Variants in CCDC120 observed in about 807,000 individuals in gnomAD.
The protein encoded by CCDC120 is coiled-coil domain-containing protein 120.
A neutral mutation model predicts 37.6 loss-of-function variants in CCDC120; 16 were observed. That is an observed-to-expected ratio of 0.43 (90% CI 0.29 to 0.65). CCDC120 has a LOEUF of 0.65. Ranked by LOEUF, CCDC120 falls within the 30% of genes least tolerant of loss-of-function variation. CCDC120 has a pLI of 0.18. For missense variants in CCDC120, 650 were observed against 657.4 expected (o/e 0.99, Z 0.12); for synonymous variants, 309 against 275.4 (o/e 1.12, Z -1.21).
chrX:49,060,505 G>A (rs1341030167), intron 1 of CCDC120, among the ~76,000 whole-genome samples: 1 of 107,897 alleles, frequency 9.3e-6, no homozygotes, highest in Admixed American at 1.0e-4. Flanking sequence ...GACCAATGCT[G>A]GCAAGGGGGA....
chrX:49,058,784 A>G (rs1459454977), upstream of CCDC120, among the ~76,000 whole-genome samples: 2 of 112,364 alleles, frequency 1.8e-5, no homozygotes, highest in Non-Finnish European at 3.8e-5. Context: ...CAGCCTCCCA[A>G]AGTGCTGAGA....
intron 4 of CCDC120, among the ~76,000 whole-genome samples, 195 bp from the exon 5 acceptor site, chrX:49,063,666 C>G (rs2064914591): frequency 8.9e-6 from 1 of 111,757 alleles, no homozygotes; most frequent in African/African-American, 3.3e-5. Flanking sequence ...TGCCCACCAC[C>G]CCAGGGGTTT....
At position 49,067,349 on chromosome X, in the gene CCDC120, C is replaced by T. The variant is rs911802103; in HGVS notation, c.1235C>T (p.Pro412Leu). ...DRAAGGGAGS[P>L]PAPLAPSASG... ...GCCGCTGGTGGGGGAGCTGGCTCCCCGCCTGCCCCTCTGGCTCCCTCTGCC... is the reference window on the plus strand; with the variant it reads ...GCCGCTGGTGGGGGAGCTGGCTCCCTGCCTGCCCCTCTGGCTCCCTCTGCC... The change falls in exon 10 of 11, where the codon CCG (proline) becomes CTG (leucine). Residue 412 changes from proline to leucine, a missense_variant. By Grantham distance (98) the Pro-to-Leu change is moderately conservative. Around this residue, in one of 3 missense-constraint regions of CCDC120, gnomAD observed 576 missense variants for 565.3 expected, o/e 1.02. Coordinates refer to ENST00000603986, the MANE Select transcript of CCDC120 (RefSeq NM_001163321.4). 10 of 1,202,332 alleles carry T rather than the reference C, an allele frequency of 8.3e-6. No homozygotes were observed. Among genetic ancestry groups the T allele is most frequent in the South Asian group, 3.6e-5 (2 of 56,034 alleles).
Position 49,068,566 on chromosome X carries a change from C to G in CCDC120, c.1999C>G (p.Pro667Ala). 8.7e-7 allele frequency: 1 copy of G among 1,148,703 alleles called. No homozygotes were observed. The highest frequency in any genetic ancestry group is 1.2e-6 in the Non-Finnish European group (1 of 863,558). 94.7% of individuals were successfully genotyped at this position (1,148,703 alleles called of 1,213,427 possible). A position where few individuals can be genotyped will look rare whatever the true frequency, so the allele number is the denominator to read the frequency against. The change falls in exon 11 of 11, where the codon CCC (proline) becomes GCC (alanine). Residue 667 changes from proline to alanine, a missense_variant. Transcript: ENST00000603986. ...AAGATACTACGCGGACTTCCTGTAT[C>G]CCCCGGAGCTGAGCGCTCGTTTAAG... ...SGRYYADFLY[P>A]PELSARLSDL...
At chrX:49,063,237 T>C (rs2064909909) in intron 4 of CCDC120, among the ~76,000 whole-genome samples, 1 of 104,712 alleles carries the variant, frequency 9.6e-6, no homozygotes, top group African/African-American at 3.5e-5. Flanking sequence ...GTGGTGATCC[T>C]AGCAACTTGG....
chrX:49,065,536 G>A lies in CCDC120; in HGVS notation c.870G>A (p.Gly290=). Residue 290 remains glycine (G), a synonymous_variant, in exon 8 of 11, where the codon GGG becomes GGA. Coordinates refer to ENST00000603986, the MANE Select transcript of CCDC120 (RefSeq NM_001163321.4). ...ACCAGCTGCGGGCAGTATCTGGGGG[G>A]AGCCCTGAGCGGCGAACCCCATGGA... The part of the protein sequence containing the change: ...AWDQLRAVSG[G]SPERRTPWKP... 1 of 1,210,924 alleles carries A rather than the reference G, an allele frequency of 8.3e-7. No homozygotes were observed.
At position 49,067,529 on chromosome X, in the gene CCDC120, C is replaced by T. The variant is rs782180094; in HGVS notation, c.1415C>T (p.Pro472Leu). Residue 472 changes from proline (P) to leucine (L), a missense_variant, in exon 10 of 11, where the codon CCA (proline) becomes CTA (leucine). Around this residue, in one of 3 missense-constraint regions of CCDC120, gnomAD observed 576 missense variants for 565.3 expected, o/e 1.02. Transcript: ENST00000603986. The part of the protein sequence containing the change: ...APASRGAPRL[P>L]PVCGDFLLDY... ...GCCTCCCGAGGTGCCCCCCGGCTCC[C>T]ACCTGTGTGTGGAGACTTCCTCTTG... The T allele has an allele frequency of 6.9e-6, 8 of 1,165,756 alleles. No individual in the cohort carries two copies. Among genetic ancestry groups the T allele is most frequent in the Non-Finnish European group, 9.2e-6 (8 of 870,941 alleles).
At chrX:49,060,583 G>T (rs781857753) in intron 1 of CCDC120, among the ~76,000 whole-genome samples, 1 of 110,535 alleles carries the variant, frequency 9.0e-6, no homozygotes, top group South Asian at 3.9e-4. Context: ...GAGTTCCTTG[G>T]GCCTAAATGG....
rs2064968986 is a variant in CCDC120 at position 49,067,412 on chromosome X, A to T, written c.1298A>T (p.Tyr433Phe). Residue 433 changes from tyrosine (Y) to phenylalanine (F), a missense_variant, in exon 10 of 11, where the codon TAT (tyrosine) becomes TTT (phenylalanine). By Grantham distance (22) the Tyr-to-Phe change is conservative (BLOSUM62 3). Coordinates refer to ENST00000603986, the MANE Select transcript of CCDC120 (RefSeq NM_001163321.4). ...PPVCKSSEVL[Y>F]ERPQPTPAFS... ...GTCTGCAAGAGCAGTGAGGTGCTGT[A>T]TGAGCGCCCCCAACCAACCCCTGCC... is the stretch of plus-strand genomic sequence containing the variant. The T allele has an allele frequency of 1.7e-6, 2 of 1,192,183 alleles. No homozygotes were observed. The highest frequency in any genetic ancestry group is 2.3e-6 in the Non-Finnish European group (2 of 886,766).
chrX:49,062,402 C>T, intron 3 of CCDC120, 66 bp from the exon 4 acceptor site: 1 of 1,209,854 alleles, frequency 8.3e-7, no homozygotes, highest in Non-Finnish European at 1.1e-6. Flanking sequence ...AGAGTTGGTC[C>T]CTTGCCCCAC....
At chrX:49,061,535 C>T (rs1285879686) in intron 1 of CCDC120, among the ~76,000 whole-genome samples, 2 of 112,370 alleles carry the variant, frequency 1.8e-5, no homozygotes, top group East Asian at 2.8e-4. Flanking sequence ...GTTGGACAAC[C>T]GTTTGTGAGA....
Position 49,067,259 on chromosome X carries a change from G to C in CCDC120, c.1145G>C (p.Arg382Pro). 1 of 1,210,953 alleles carries C rather than the reference G, an allele frequency of 8.3e-7. No individual in the cohort carries two copies. The highest frequency in any genetic ancestry group is 1.8e-5 in the South Asian group (1 of 56,982). The change falls in exon 10 of 11, where the codon CGC becomes CCC. Residue 382 changes from arginine to proline, a missense_variant. Arg to Pro is a moderately radical substitution (Grantham distance 103, BLOSUM62 -2). This residue lies in a region of CCDC120 where 576 missense variants were observed against 565.3 expected (regional missense o/e 1.02). Transcript: ENST00000603986. Reference protein sequence around the residue: ...GFPRADPASDRASLFVARTRR... With the variant: ...GFPRADPASDPASLFVARTRR... ...CCCCGGGCGGACCCTGCCTCCGATC[G>C]CGCCTCCCTCTTCGTAGCTCGCACC... is the stretch of plus-strand genomic sequence containing the variant.
chrX:49,067,848 C>T lies in CCDC120; in HGVS notation c.1734C>T (p.Pro578=). ...LLWMPPPTRI[P]SAGERSGHKN... is the part of the protein sequence containing the mutation. Reference sequence around the variant, plus strand: ...GGATGCCCCCACCCACCCGTATCCCCTCGGCTGGTGAACGCAGTGGCCACA... The same window carrying T: ...GGATGCCCCCACCCACCCGTATCCCTTCGGCTGGTGAACGCAGTGGCCACA... Residue 578 remains proline, a synonymous_variant, in exon 10 of 11, where the codon CCC becomes CCT. Coordinates refer to ENST00000603986, the MANE Select transcript of CCDC120 (RefSeq NM_001163321.4). 1 of 1,176,351 alleles carries T rather than the reference C, an allele frequency of 8.5e-7. No individual in the cohort carries two copies. Among genetic ancestry groups the T allele is most frequent in the South Asian group, 1.9e-5 (1 of 53,260 alleles).
chrX:49,064,396 C>T lies in CCDC120; in HGVS notation c.456C>T (p.Arg152=), dbSNP rs1158161583. ...AGCTGGCTCTTGAGGCCCTGGAACG[C>T]GAGGTGTCAGTGCAACAGCAGATCG... ...AEELALEALE[R]EVSVQQQIAA... Residue 152 remains arginine (R), a synonymous_variant, in exon 6 of 11, where the codon CGC becomes CGT. Coordinates refer to ENST00000603986, the MANE Select transcript of CCDC120 (RefSeq NM_001163321.4). The T allele has an allele frequency of 9.4e-6, 11 of 1,173,281 alleles. No homozygotes were observed. The highest frequency in any genetic ancestry group is 3.2e-5 in the East Asian group (1 of 31,546).
In CCDC120 at chrX:49,059,093, T is replaced by C. The variant is rs1377841167; in HGVS notation, c.-86T>C. 1 of 112,033 alleles carries C rather than the reference T, an allele frequency of 8.9e-6. No individual in the cohort carries two copies. Among genetic ancestry groups the C allele is most frequent in the Non-Finnish European group, 1.9e-5 (1 of 53,197 alleles). The allele number at this position is 112,033 out of a possible 1,213,427, so 9.2% of individuals were successfully genotyped here. On this transcript the variant is annotated splice_region_variant and 5_prime_UTR_variant, in exon 1 of 11. Transcript: ENST00000603986. ...GGCTACCCCACAGCACTCTCTGGCATTGGTGAGCACCTGGGAGCAGTGGGC... is the reference window on the plus strand; with the variant it reads ...GGCTACCCCACAGCACTCTCTGGCACTGGTGAGCACCTGGGAGCAGTGGGC...
At chrX:49,068,483 GTCTTT>G in intron 10 of CCDC120, 56 bp from the exon 11 acceptor site, 3 of 1,051,259 alleles carry the variant, frequency 2.9e-6, no homozygotes, top group Non-Finnish European at 3.7e-6. Context: ...TGTCTTGTCT[GTCTTT>G]TCTTCTTCTT....
chrX:49,065,383 C>G, intron 7 of CCDC120, 71 bp from the exon 8 acceptor site: 7 of 1,011,890 alleles, frequency 6.9e-6, no homozygotes, highest in Non-Finnish European at 9.3e-6. Flanking sequence ...CATGGCCTTG[C>G]CCCCCAGCCT....
At position 49,068,919 on chromosome X, in the gene CCDC120, C is replaced by T. The variant is rs141618115; in HGVS notation, c.*261C>T. 120 of 256,650 alleles carry T rather than the reference C, an allele frequency of 4.7e-4. No homozygotes were observed. The East Asian group carries it at 5.0e-3, about 11-fold the overall frequency. 21.2% of individuals were successfully genotyped at this position (256,650 alleles called of 1,213,427 possible). ...TGTCATGGGGACCCCAAGCCCCTTC[C>T]TCCATTTATGTTTACAGTTGTGACT... On this transcript the variant is annotated 3_prime_UTR_variant, in exon 11 of 11. Coordinates refer to ENST00000603986, the MANE Select transcript of CCDC120 (RefSeq NM_001163321.4).
At chrX:49,062,863 C>G (rs961050320) in intron 4 of CCDC120, among the ~76,000 whole-genome samples, 1 of 109,942 alleles carries the variant, frequency 9.1e-6, no homozygotes. Context: ...AGTTCCAGAC[C>G]AGCCTGACCA....
Sources: gnomAD v4.1 joint callset for allele counts (sites outside exome capture counted in the v4.1 genomes callset) on GRCh38, gnomAD v4.1.1 for gene constraint, gnomAD v4.1.1 regional missense constraint, MANE v1.5 for transcripts, NCBI Gene and HGNC (gene_info 2026-07-23, HGNC 2026-07-21) for gene names.